The following GYPC variants were observed in gnomAD, a reference collection of about 807,000 sequenced individuals.
GYPC encodes the protein glycophorin C (Gerbich blood group), also known as glycophorin-C.
A neutral mutation model predicts 12.6 loss-of-function variants in GYPC; 14 were observed. The observed-to-expected ratio is 1.11, with a 90% CI of 0.74 to 1.74. GYPC has a LOEUF of 1.74. Ranked by LOEUF, GYPC falls within the 40% of genes most tolerant of loss-of-function variation. The pLI is 0.00. For missense variants in GYPC, 225 were observed against 172.1 expected (o/e 1.31, Z -1.72); for synonymous variants, 78 against 62.1 (o/e 1.26, Z -1.20).
intron 1 of GYPC, among the ~76,000 whole-genome samples, chr2:126,679,102 T>A (rs977352888): frequency 2.0e-5 from 3 of 152,252 alleles, no homozygotes; most frequent in African/African-American, 7.2e-5. Context: ...TATGATTTTT[T>A]AAATGAATTA....
At chr2:126,685,756 TG>T in intron 1 of GYPC, 1 of 983,914 alleles carries the variant, frequency 1.0e-6, no homozygotes, top group Non-Finnish European at 1.2e-6. Context: ...CCACAGCACC[TG>T]GCCAACTGTC....
intron 3 of GYPC, among the ~76,000 whole-genome samples, chr2:126,695,469 G>A (rs1683612889): frequency 6.6e-6 from 1 of 152,154 alleles, no homozygotes; most frequent in South Asian, 2.1e-4. Flanking sequence ...GGAATGAACT[G>A]GCCTGTTTGG....
chr2:126,685,534 G>A (rs907163440), intron 1 of GYPC, among the ~76,000 whole-genome samples: 46 of 152,090 alleles, frequency 3.0e-4, no homozygotes, highest in African/African-American at 9.4e-4. Flanking sequence ...ACAGGCACCC[G>A]CCAGCATGCC....
At chr2:126,686,825 C>G (rs1273620710) in intron 1 of GYPC, among the ~76,000 whole-genome samples, 1 of 152,142 alleles carries the variant, frequency 6.6e-6, no homozygotes, top group East Asian at 1.9e-4. Context: ...ACACCTTATT[C>G]TGCCATGAAC....
At chr2:126,674,490 G>A (rs1266785002) in intron 1 of GYPC, among the ~76,000 whole-genome samples, 2 of 152,196 alleles carry the variant, frequency 1.3e-5, no homozygotes, top group East Asian at 1.9e-4. Flanking sequence ...GGCCGCGGGT[G>A]GAGAAAGGGG....
At chr2:126,672,432 T>C (rs1682877787) in intron 1 of GYPC, among the ~76,000 whole-genome samples, 1 of 152,072 alleles carries the variant, frequency 6.6e-6, no homozygotes, top group African/African-American at 2.4e-5. Flanking sequence ...CATACACGCA[T>C]ACACACACAA....
intron 1 of GYPC, among the ~76,000 whole-genome samples, chr2:126,667,793 T>C (rs986905568): frequency 1.3e-5 from 2 of 152,194 alleles, no homozygotes; most frequent in African/African-American, 4.8e-5. Context: ...CATCCACTTA[T>C]AGTGAATACA....
chr2:126,684,357 A>T (rs1683228648), intron 1 of GYPC, among the ~76,000 whole-genome samples: 1 of 152,152 alleles, frequency 6.6e-6, no homozygotes, highest in Admixed American at 6.5e-5. Flanking sequence ...CCCTCATAGC[A>T]TACATCCAGC....
intron 1 of GYPC, among the ~76,000 whole-genome samples, chr2:126,684,970 A>C (rs1683244873): frequency 6.6e-6 from 1 of 152,206 alleles, no homozygotes; most frequent in South Asian, 2.1e-4. Flanking sequence ...GGCTGAATAA[A>C]TGCTAACTGC....
chr2:126,694,127 T>C (rs1427133300), intron 3 of GYPC, among the ~76,000 whole-genome samples, 180 bp downstream of exon 3: 1 of 152,106 alleles, frequency 6.6e-6, no homozygotes. Flanking sequence ...TATATATACA[T>C]GCATACATCG....
In GYPC at chr2:126,688,817, G is replaced by C. The variant is rs183751263; in HGVS notation, c.50-1438G>C. ...ACTTATAAGAAAGAGGCATCTGGCA[G>C]CTGCACTGGGGAGAATGACCTCATA... On this transcript the variant is annotated intron_variant, in intron 1 of 3. Coordinates refer to ENST00000259254, the MANE Select transcript of GYPC (RefSeq NM_002101.5). Among the ~76,000 whole-genome samples the C allele has an allele frequency of 7.9e-5, 12 of 152,264 alleles. No homozygotes were observed. In the East Asian group the frequency reaches 2.3e-3, roughly 29 times the overall value.
intron 1 of GYPC, chr2:126,680,059 G>A (rs1036001547): frequency 1.3e-5 from 2 of 152,136 alleles, no homozygotes; most frequent in African/African-American, 2.4e-5. Context: ...CTCAGGTTCC[G>A]AGGCCATAGT....
rs1345645442 is a variant in GYPC, at chr2:126,677,480, CG to C, written c.50-12774del. ...GAGTGTGACAGTGTGTGTGTGAGCA[CG>C]TGTGAGTCTGAGTGTGTGTATGAGA... On this transcript the variant is annotated intron_variant, in intron 1 of 3. Transcript: ENST00000259254. 2.3e-4 allele frequency among the ~76,000 whole-genome samples: 25 copies of C among 110,640 alleles called. No homozygotes were observed. In the East Asian group the frequency reaches 6.8e-3, roughly 30 times the overall value. The allele number at this position is 110,640 out of a possible 152,430, so 72.6% of individuals were successfully genotyped here.
At chr2:126,678,005 A>G (rs184198036) in intron 1 of GYPC, among the ~76,000 whole-genome samples, 1,609 of 152,304 alleles carry the variant, frequency 0.011, 36 homozygotes, top group African/African-American at 0.037. Flanking sequence ...GCGGATCACG[A>G]GGTCAGGAGA....
intron 1 of GYPC, among the ~76,000 whole-genome samples, chr2:126,684,122 ACCTTGGCAG>A (rs1683224024): frequency 6.6e-6 from 1 of 152,166 alleles, no homozygotes; most frequent in South Asian, 2.1e-4. Flanking sequence ...ATTGCACAGC[ACCTTGGCAG>A]CCTTGGGGAT....
At chr2:126,668,719 C>T (rs1334492934) in intron 1 of GYPC, among the ~76,000 whole-genome samples, 1 of 152,220 alleles carries the variant, frequency 6.6e-6, no homozygotes, top group Admixed American at 6.5e-5. Flanking sequence ...TCACTTTAGA[C>T]ATCCCTGGTT....
At chr2:126,686,016 A>C (rs4662686) in intron 1 of GYPC, 415,385 of 984,502 alleles carry the variant, frequency 0.42, 88,539 homozygotes, top group South Asian at 0.53. Flanking sequence ...GGACAGGAGG[A>C]AGACAGGAAG....
chr2:126,693,583 A>T (rs1431812802), intron 2 of GYPC, among the ~76,000 whole-genome samples: 1 of 152,198 alleles, frequency 6.6e-6, no homozygotes, highest in Non-Finnish European at 1.5e-5. Context: ...CACGTGCAGC[A>T]CCACTCTCAG....
chr2:126,684,372 C>A (rs1289904205), intron 1 of GYPC, among the ~76,000 whole-genome samples: 1 of 152,172 alleles, frequency 6.6e-6, no homozygotes, highest in Admixed American at 6.5e-5. Flanking sequence ...TCCAGCAGGT[C>A]CCTGGAGCCC....
Sources: allele counts gnomAD v4.1 joint callset (sites outside exome capture counted in the v4.1 genomes callset), GRCh38; gene constraint gnomAD v4.1.1; transcripts MANE v1.5; gene names NCBI Gene and HGNC (gene_info 2026-07-23, HGNC 2026-07-21).